The following CLASP1 variants were observed in gnomAD, a reference collection of about 807,000 sequenced individuals.
CLASP1 encodes cytoplasmic linker associated protein 1, also known as CLIP-associating protein 1.
Under a neutral mutation model 192.3 loss-of-function variants are expected in CLASP1, and 38 were observed. The ratio of observed to expected loss-of-function variants is 0.20; its 90% CI spans 0.15 to 0.26. The LOEUF is 0.26. CLASP1 is among the 10% of genes least tolerant of loss of function. The pLI, the probability that CLASP1 is intolerant of heterozygous loss-of-function variation, is 1.00. For synonymous variants in CLASP1, 691 were observed against 712.8 expected, an observed-to-expected ratio of 0.97 and a Z score of 0.49; for missense variants, 1,433 against 1,932.5, an observed-to-expected ratio of 0.74 and a Z score of 4.85.
chr2:121,628,787 C>T (rs2068883148), intron 1 of CLASP1, among the ~76,000 whole-genome samples: 1 of 150,570 alleles, frequency 6.6e-6, no homozygotes, highest in African/African-American at 2.4e-5. Flanking sequence ...TCTCTTCACC[C>T]AACCAGTTCA....
intron 2 of CLASP1, among the ~76,000 whole-genome samples, chr2:121,537,039 A>G (rs35182276): frequency 0.25 from 37,981 of 152,102 alleles, 7,536 homozygotes; most frequent in African/African-American, 0.55. Context: ...AAATTAGATA[A>G]TGGTGATGGT....
intron 8 of CLASP1, among the ~76,000 whole-genome samples, chr2:121,478,617 CCA>C (rs1168914344): frequency 1.5e-5 from 2 of 134,580 alleles, no homozygotes; most frequent in Non-Finnish European, 1.6e-5. Flanking sequence ...CACACACACA[CCA>C]CACACACACA....
intron 13 of CLASP1, 112 bp downstream of exon 13, chr2:121,458,728 C>T (rs2087221939): frequency 3.8e-6 from 3 of 787,206 alleles, no homozygotes; most frequent in South Asian, 3.1e-5. Flanking sequence ...TATAATTATG[C>T]TAATAAATTT....
chr2:121,366,860 A>G (rs1317542754), intron 35 of CLASP1, among the ~76,000 whole-genome samples: 1 of 152,182 alleles, frequency 6.6e-6, no homozygotes. Context: ...GTACAAATAC[A>G]TACTCATCAC....
intron 2 of CLASP1, among the ~76,000 whole-genome samples, chr2:121,598,867 T>C (rs1369424947): frequency 3.3e-5 from 5 of 152,130 alleles, no homozygotes. Context: ...TTTTATTTAT[T>C]TATTTATTTA....
At chr2:121,440,073 T>TA (rs568528267) in intron 19 of CLASP1, among the ~76,000 whole-genome samples, 5,790 of 134,500 alleles carry the variant, frequency 0.043, 151 homozygotes, top group East Asian at 0.16. Flanking sequence ...CCCTAAAACT[T>TA]AAAGTATAAT....
chr2:121,523,927 G>A (rs890399423), intron 6 of CLASP1, among the ~76,000 whole-genome samples: 2 of 152,184 alleles, frequency 1.3e-5, no homozygotes, highest in African/African-American at 4.8e-5. Context: ...GGGTGAGTGA[G>A]GGGACCCTGT....
chr2:121,522,380 A>G (rs1171960581), intron 6 of CLASP1, among the ~76,000 whole-genome samples: 3 of 152,174 alleles, frequency 2.0e-5, no homozygotes, highest in African/African-American at 7.2e-5. Flanking sequence ...TCAGCCCACA[A>G]AACCATTATA....
At chr2:121,428,984 T>C (rs891795210) in intron 20 of CLASP1, among the ~76,000 whole-genome samples, 1 of 152,136 alleles carries the variant, frequency 6.6e-6, no homozygotes, top group African/African-American at 2.4e-5. Context: ...AAACCCAGTT[T>C]TGTCTGACAC....
intron 1 of CLASP1, among the ~76,000 whole-genome samples, chr2:121,607,388 G>C (rs2105925671): frequency 6.6e-6 from 1 of 152,280 alleles, no homozygotes; most frequent in Admixed American, 6.5e-5. Context: ...TATTGACACA[G>C]TATTCTCCGC....
chr2:121,506,931 A>G (rs2093964502), intron 7 of CLASP1, among the ~76,000 whole-genome samples: 1 of 152,218 alleles, frequency 6.6e-6, no homozygotes. Flanking sequence ...AACAAAAACA[A>G]TAAAAAGCAA....
At chr2:121,636,229 G>A (rs150113144) in intron 1 of CLASP1, among the ~76,000 whole-genome samples, 2,342 of 151,220 alleles carry the variant, frequency 0.015, 26 homozygotes, top group Middle Eastern at 0.038. Context: ...CCAGCTACTC[G>A]GGAGGCTGAG....
chr2:121,644,563 G>A (rs962275944), intron 1 of CLASP1, among the ~76,000 whole-genome samples: 3 of 152,190 alleles, frequency 2.0e-5, no homozygotes, highest in African/African-American at 4.8e-5. Flanking sequence ...GCTGAGGCAG[G>A]AGAATTGCTT....
At chr2:121,637,764 T>C (rs1445063007) in intron 1 of CLASP1, among the ~76,000 whole-genome samples, 1 of 152,112 alleles carries the variant, frequency 6.6e-6, no homozygotes, top group Middle Eastern at 3.4e-3. Context: ...TGCATGCCTG[T>C]AATCTCAGTT....
chr2:121,514,450 G>A (rs2094229907), intron 7 of CLASP1, among the ~76,000 whole-genome samples: 1 of 150,890 alleles, frequency 6.6e-6, no homozygotes, highest in Non-Finnish European at 1.5e-5. Context: ...TTCCTCCTGT[G>A]TTCTCACCAT....
intron 10 of CLASP1, among the ~76,000 whole-genome samples, chr2:121,461,717 G>A (rs1575085366): frequency 1.3e-5 from 2 of 152,250 alleles, no homozygotes; most frequent in Middle Eastern, 6.8e-3. Flanking sequence ...GAATCACTCT[G>A]TCGCCCAGGA....
chr2:121,478,527 G>A (rs181618950), intron 8 of CLASP1, among the ~76,000 whole-genome samples: 43 of 151,512 alleles, frequency 2.8e-4, no homozygotes, highest in Non-Finnish European at 4.9e-4. Flanking sequence ...CCTGAAGCCA[G>A]GAGGGGGAGG....
chr2:121,407,762 A>T (rs766837304), intron 24 of CLASP1, 47 bp from the exon 26 acceptor site: 1 of 1,611,536 alleles, frequency 6.2e-7, no homozygotes, highest in Non-Finnish European at 8.5e-7. Context: ...AGAAATAGAA[A>T]GGTGAAATGA....
intron 1 of CLASP1, among the ~76,000 whole-genome samples, chr2:121,620,983 C>A (rs935228397): frequency 6.6e-6 from 1 of 152,026 alleles, no homozygotes; most frequent in Non-Finnish European, 1.5e-5. Context: ...ATCCCGGCAG[C>A]TTTGGGAGGC....
Sources: gnomAD v4.1 joint callset for allele counts (sites outside exome capture counted in the v4.1 genomes callset) on GRCh38, gnomAD v4.1.1 for gene constraint, MANE v1.5 for transcripts, NCBI Gene and HGNC (gene_info 2026-07-23, HGNC 2026-07-21) for gene names.